Variants in KCNT2 observed in about 807,000 individuals in gnomAD.
KCNT2 encodes the protein potassium channel subfamily T member 2.
A neutral mutation model predicts 153.8 loss-of-function variants in KCNT2; 67 were observed. The ratio of observed to expected loss-of-function variants is 0.44; its 90% CI spans 0.36 to 0.53. The LOEUF (loss-of-function observed/expected upper bound fraction) is 0.53, where lower values mean the gene tolerates loss of function less well. Ranked by LOEUF, KCNT2 falls within the 20% of genes least tolerant of loss-of-function variation. The pLI, the probability that KCNT2 is intolerant of heterozygous loss-of-function variation, is 0.00. For missense variants in KCNT2, 975 were observed against 1,354.8 expected, an observed-to-expected ratio of 0.72 and a Z score of 4.40; for synonymous variants, 500 against 458.8, an observed-to-expected ratio of 1.09 and a Z score of -1.15.
At position 196,290,390 on chromosome 1, in the gene KCNT2, C is replaced by A. The variant is rs1047579235; in HGVS notation, c.2596-4632G>T. Among the ~76,000 whole-genome samples the A allele has an allele frequency of 7.2e-5, 11 of 152,120 alleles. No individual in the cohort carries two copies. The East Asian group carries it at 1.4e-3, about 19-fold the overall frequency. ...TTCTTTCTAGACTCTCCTTTATGAACCTCAGGATAAAGTCCTTAGTTAAAC... is the reference window on the plus strand; with the variant it reads ...TTCTTTCTAGACTCTCCTTTATGAAACTCAGGATAAAGTCCTTAGTTAAAC... On this transcript the variant is annotated intron_variant, in intron 22 of 27. Transcript: ENST00000294725.
chr1:196,594,355 C>T (rs1663790750), intron 1 of KCNT2, among the ~76,000 whole-genome samples: 1 of 152,210 alleles, frequency 6.6e-6, no homozygotes, highest in South Asian at 2.1e-4. Context: ...ACATTAAAAA[C>T]TATTTTGTTT....
intron 13 of KCNT2, among the ~76,000 whole-genome samples, chr1:196,385,772 AAT>A (rs1553308934): frequency 6.7e-6 from 1 of 148,522 alleles, no homozygotes; most frequent in African/African-American, 2.5e-5. Context: ...GCATTAAAAA[AAT>A]ATATATATAT....
At chr1:196,348,333 A>C (rs2148196321) in intron 14 of KCNT2, among the ~76,000 whole-genome samples, 1 of 152,286 alleles carries the variant, frequency 6.6e-6, no homozygotes, top group African/African-American at 2.4e-5. Context: ...ATGGACAAAA[A>C]GCGTAGAGTG....
At chr1:196,249,671 G>A (rs1358176749) in intron 26 of KCNT2, among the ~76,000 whole-genome samples, 1 of 151,920 alleles carries the variant, frequency 6.6e-6, no homozygotes, top group Non-Finnish European at 1.5e-5. Context: ...TACTTGGGAG[G>A]CTGAGGCAGG....
At chr1:196,476,785 AT>A (rs546110444) in intron 5 of KCNT2, among the ~76,000 whole-genome samples, 7 of 151,716 alleles carry the variant, frequency 4.6e-5, no homozygotes, top group Middle Eastern at 3.4e-3. Flanking sequence ...AACAATGAAG[AT>A]TTTTTTTTAT....
chr1:196,354,421 A>G (rs1268465200), intron 14 of KCNT2, among the ~76,000 whole-genome samples: 2 of 151,770 alleles, frequency 1.3e-5, no homozygotes, highest in African/African-American at 4.8e-5. Context: ...TATATTTATT[A>G]TCAAACTAAG....
chr1:196,242,355 TA>T (rs1261968868), intron 26 of KCNT2, among the ~76,000 whole-genome samples: 1 of 152,076 alleles, frequency 6.6e-6, no homozygotes, highest in African/African-American at 2.4e-5. Context: ...ACAGAAAGCC[TA>T]AAAGATTTTG....
At position 196,567,457 on chromosome 1, in the gene KCNT2, A is replaced by T. The variant is rs577874577; in HGVS notation, c.95+40758T>A. ...GTGCTGTTGTCAGCATAAATCTCGG[A>T]TCTTCTATTTTTTCTTTCATAATTT... is the stretch of plus-strand genomic sequence containing the variant. On this transcript the variant is annotated intron_variant, in intron 1 of 27. Transcript: ENST00000294725. Among the ~76,000 whole-genome samples, 4 of 152,254 alleles carry T rather than the reference A, an allele frequency of 2.6e-5. No individual in the cohort carries two copies. The East Asian group carries it at 7.7e-4, about 29-fold the overall frequency.
At chr1:196,428,696 A>G (rs1673866937) in intron 9 of KCNT2, among the ~76,000 whole-genome samples, 1 of 152,108 alleles carries the variant, frequency 6.6e-6, no homozygotes, top group Non-Finnish European at 1.5e-5. Context: ...AACGGAGGAA[A>G]GTGAAAGGTG....
chr1:196,493,355 T>G (rs1303602418), intron 1 of KCNT2, among the ~76,000 whole-genome samples: 1 of 152,066 alleles, frequency 6.6e-6, no homozygotes, highest in East Asian at 1.9e-4. Context: ...ATTTTTGGTT[T>G]TGTTTTTTTT....
chr1:196,302,749 G>A (rs1293572557), intron 22 of KCNT2, among the ~76,000 whole-genome samples: 1 of 150,744 alleles, frequency 6.6e-6, no homozygotes, highest in Admixed American at 6.6e-5. Flanking sequence ...TTTTGGATGG[G>A]GCATGAGATT....
At chr1:196,577,217 A>G (rs1661471482) in intron 1 of KCNT2, among the ~76,000 whole-genome samples, 1 of 152,038 alleles carries the variant, frequency 6.6e-6, no homozygotes, top group Non-Finnish European at 1.5e-5. Context: ...CCACTCCCAA[A>G]ACAACAACAA....
intron 8 of KCNT2, among the ~76,000 whole-genome samples, chr1:196,435,866 T>C (rs550625537): frequency 1.3e-5 from 2 of 151,740 alleles, no homozygotes; most frequent in African/African-American, 4.8e-5. Flanking sequence ...CTTGTTTTTA[T>C]GTAAAAAGTC....
At chr1:196,572,672 T>C (rs1660917569) in intron 1 of KCNT2, among the ~76,000 whole-genome samples, 1 of 152,056 alleles carries the variant, frequency 6.6e-6, no homozygotes, top group Non-Finnish European at 1.5e-5. Flanking sequence ...GTTGCTATAT[T>C]TTATTGAGTA....
chr1:196,244,022 C>G (rs193042970), intron 26 of KCNT2, among the ~76,000 whole-genome samples: 2 of 152,090 alleles, frequency 1.3e-5, no homozygotes, highest in East Asian at 3.9e-4. Flanking sequence ...TGATAGGGCA[C>G]CAGGCAAAGT....
chr1:196,503,561 G>A (rs188265154), intron 1 of KCNT2, among the ~76,000 whole-genome samples: 2 of 152,028 alleles, frequency 1.3e-5, no homozygotes, highest in South Asian at 2.1e-4. Flanking sequence ...GTAAAATCTC[G>A]AAGGAAAATA....
intron 25 of KCNT2, among the ~76,000 whole-genome samples, chr1:196,270,166 G>A (rs555092697): frequency 1.3e-5 from 2 of 151,900 alleles, no homozygotes; most frequent in Non-Finnish European, 2.9e-5. Context: ...AATTATTATT[G>A]ATGTAAATTT....
chr1:196,593,985 A>AAC (rs149233796), intron 1 of KCNT2, among the ~76,000 whole-genome samples: 8 of 151,368 alleles, frequency 5.3e-5, no homozygotes, highest in South Asian at 2.1e-4. Context: ...ACAGAAGACC[A>AAC]ACACACACAC....
At chr1:196,257,710 T>C in intron 26 of KCNT2, 1 of 983,360 alleles carries the variant, frequency 1.0e-6, no homozygotes, top group Non-Finnish European at 1.2e-6. Flanking sequence ...AAAGCAGTAT[T>C]TGAGCTTCAA....
Sources: gnomAD v4.1 joint callset for allele counts (sites outside exome capture counted in the v4.1 genomes callset) on GRCh38, gnomAD v4.1.1 for gene constraint, MANE v1.5 for transcripts, NCBI Gene and HGNC (gene_info 2026-07-23, HGNC 2026-07-21) for gene names.